Variants in MYO5B observed in about 807,000 individuals in gnomAD.
MYO5B encodes unconventional myosin-Vb.
In MYO5B, 143 loss-of-function variants were observed where a neutral mutation model predicts 229.3. The ratio of observed to expected loss-of-function variants is 0.62; its 90% confidence interval spans 0.54 to 0.72. The LOEUF is 0.72. MYO5B is among the 30% of genes least tolerant of loss of function. MYO5B has a pLI of 0.00. For synonymous variants in MYO5B, 918 were observed against 885.2 expected (o/e 1.04, Z -0.66); for missense variants, 2,321 against 2,331.0 (o/e 1.00, Z 0.09).
At position 49,839,236 on chromosome 18, in the gene MYO5B, A is replaced by AC; in HGVS notation, c.4759_4760insG (p.Leu1587ArgfsTer10). ...ACTCAGCACCTGACGGTATTCGGTGAGGTCAAAATTCTTAAGACAGTGTTC... is the reference window on the plus strand; with the variant it reads ...ACTCAGCACCTGACGGTATTCGGTGACGGTCAAAATTCTTAAGACAGTGTTC... On this transcript the variant is annotated frameshift_variant, in exon 36 of 40. Coordinates refer to ENST00000285039, the MANE Select transcript of MYO5B (RefSeq NM_001080467.3). LOFTEE classifies it high-confidence loss of function. 6.2e-7 allele frequency: 1 copy of AC among 1,614,216 alleles called. No homozygotes were observed. The highest frequency in any genetic ancestry group is 8.5e-7 in the Non-Finnish European group (1 of 1,180,034).
intron 1 of MYO5B, among the ~76,000 whole-genome samples, chr18:50,103,139 G>A (rs2031687281): frequency 1.3e-5 from 2 of 152,246 alleles, no homozygotes; most frequent in African/African-American, 4.8e-5. Context: ...AACTAGCCAG[G>A]AGGCCCACTT....
At chr18:50,036,049 A>G (rs993977807) in intron 4 of MYO5B, among the ~76,000 whole-genome samples, 3 of 152,182 alleles carry the variant, frequency 2.0e-5, no homozygotes, top group African/African-American at 7.2e-5. Flanking sequence ...CTTTTACTAA[A>G]TTAATCTAAA....
chr18:49,946,323 G>A (rs1787589), intron 14 of MYO5B: 35,150 of 151,942 alleles, frequency 0.23, 5,760 homozygotes, highest in African/African-American at 0.47. Flanking sequence ...CACTAACCAG[G>A]CCCGACCCTG....
At chr18:50,052,342 T>C (rs981101205) in intron 2 of MYO5B, among the ~76,000 whole-genome samples, 1 of 148,278 alleles carries the variant, frequency 6.7e-6, no homozygotes, top group African/African-American at 2.5e-5. Flanking sequence ...TAAGAAAATG[T>C]GGCACATATA....
intron 14 of MYO5B, among the ~76,000 whole-genome samples, chr18:49,947,101 CTTTTT>C (rs74176748): frequency 3.7e-5 from 4 of 108,284 alleles, no homozygotes; most frequent in African/African-American, 1.4e-4. Context: ...TCACCAAGCT[CTTTTT>C]TTTTTTTTTT....
rs779386139 is a variant in MYO5B at position 49,902,579 on chromosome 18, G to A, written c.2811+15C>T. ...CAAGCCCCCGACACCCAGGTAGGGAGCTGCAGACACTGACCTGCTCATCGA... is the reference window on the plus strand; with the variant it reads ...CAAGCCCCCGACACCCAGGTAGGGAACTGCAGACACTGACCTGCTCATCGA... On this transcript the variant is annotated intron_variant, in intron 21 of 39. Coordinates refer to ENST00000285039, the MANE Select transcript of MYO5B (RefSeq NM_001080467.3). The A allele has an allele frequency of 1.2e-5, 19 of 1,609,656 alleles. No individual in the cohort carries two copies. Among genetic ancestry groups the A allele is most frequent in the African/African-American group, 1.3e-5 (1 of 74,906 alleles).
At chr18:50,171,920 A>G (rs1331891627) in intron 1 of MYO5B, among the ~76,000 whole-genome samples, 1 of 79,750 alleles carries the variant, frequency 1.3e-5, no homozygotes, top group Non-Finnish European at 2.6e-5. Flanking sequence ...ATCTGCAGCA[A>G]TGGATCTTCT....
intron 10 of MYO5B, among the ~76,000 whole-genome samples, chr18:49,973,066 C>T (rs1013059781): frequency 1.3e-5 from 2 of 152,258 alleles, no homozygotes; most frequent in South Asian, 4.2e-4. Flanking sequence ...ACTGTGCAAG[C>T]GTGTCCTCTC....
chr18:50,026,538 G>C lies in MYO5B; in HGVS notation c.455+10312C>G, dbSNP rs1390173982. On this transcript the variant is annotated intron_variant, in intron 4 of 39. Transcript: ENST00000285039. ...CACAAACCTATTAAAAAGTCCAAAAGAATTTCACTGAGCACATAGAACTGG... is the reference window on the plus strand; with the variant it reads ...CACAAACCTATTAAAAAGTCCAAAACAATTTCACTGAGCACATAGAACTGG... Among the ~76,000 whole-genome samples the C allele has an allele frequency of 2.0e-5, 3 of 152,338 alleles. No homozygotes were observed. The East Asian group carries it at 5.8e-4, about 29-fold the overall frequency.
chr18:50,125,291 A>C (rs2032140867), intron 1 of MYO5B, among the ~76,000 whole-genome samples: 1 of 147,892 alleles, frequency 6.8e-6, no homozygotes, highest in South Asian at 2.2e-4. Context: ...CAAACACCGC[A>C]TGTTCTCACT....
rs1173210897 is a variant in MYO5B, at chr18:49,822,838, A to C, written c.*3633T>G. 3 of 152,256 alleles carry C rather than the reference A, an allele frequency of 2.0e-5. No individual in the cohort carries two copies. Among genetic ancestry groups the C allele is most frequent in the African/African-American group, 7.2e-5 (3 of 41,464 alleles). The allele number at this position is 152,256 out of a possible 1,614,324, so 9.4% of individuals were successfully genotyped here. ...TTTATTCAAAAGTATTTATTTCCAC[A>C]AATTTTTATCCACAGCTAAATATTA... On this transcript the variant is annotated 3_prime_UTR_variant, in exon 40 of 40. Coordinates refer to ENST00000285039, the MANE Select transcript of MYO5B (RefSeq NM_001080467.3).
At chr18:49,899,755 C>G (rs531044649) in intron 21 of MYO5B, among the ~76,000 whole-genome samples, 1 of 152,170 alleles carries the variant, frequency 6.6e-6, no homozygotes, top group African/African-American at 2.4e-5. Context: ...AAGAGCACAG[C>G]GTGCCTAGTC....
chr18:49,883,560 C>T (rs2024611355), intron 22 of MYO5B, among the ~76,000 whole-genome samples: 1 of 152,190 alleles, frequency 6.6e-6, no homozygotes, highest in Non-Finnish European at 1.5e-5. Flanking sequence ...TCCTCAAATT[C>T]ATCTACAGAT....
intron 8 of MYO5B, among the ~76,000 whole-genome samples, chr18:49,983,703 T>G (rs1329545639): frequency 6.6e-6 from 1 of 152,182 alleles, no homozygotes; most frequent in Non-Finnish European, 1.5e-5. Flanking sequence ...TTTTTCTATT[T>G]TGGAATAACC....
At chr18:49,934,267 C>G (rs1428131981) in intron 16 of MYO5B, among the ~76,000 whole-genome samples, 2 of 152,234 alleles carry the variant, frequency 1.3e-5, no homozygotes, top group African/African-American at 4.8e-5. Context: ...AAACTAGACA[C>G]AGAGAGCAAA....
chr18:50,001,440 T>C (rs764328584), intron 4 of MYO5B, 29 bp from the exon 5 acceptor site: 4 of 1,613,710 alleles, frequency 2.5e-6, no homozygotes, highest in African/African-American at 1.3e-5. Flanking sequence ...TGATAAGTCA[T>C]TGGCCATGGA....
At chr18:49,997,991 C>G (rs2026008321) in intron 5 of MYO5B, among the ~76,000 whole-genome samples, 1 of 152,194 alleles carries the variant, frequency 6.6e-6, no homozygotes, top group East Asian at 1.9e-4. Context: ...ACACTCTGAG[C>G]AGCCACAAAA....
chr18:49,960,382 G>A (rs779368181), intron 12 of MYO5B, among the ~76,000 whole-genome samples: 46 of 152,314 alleles, frequency 3.0e-4, no homozygotes, highest in South Asian at 4.1e-4. Flanking sequence ...GGAGCACCGC[G>A]TTGCCCAGCC....
chr18:50,183,545 G>T (rs2033106086), intron 1 of MYO5B, among the ~76,000 whole-genome samples: 1 of 151,932 alleles, frequency 6.6e-6, no homozygotes, highest in Non-Finnish European at 1.5e-5. Context: ...TAGGAAGGAG[G>T]CAGCTTTTCA....
Sources: allele counts gnomAD v4.1 joint callset (sites outside exome capture counted in the v4.1 genomes callset), GRCh38; gene constraint gnomAD v4.1.1; transcripts MANE v1.5; gene names NCBI Gene and HGNC (gene_info 2026-07-23, HGNC 2026-07-21).